The following CCBE1 variants were observed in gnomAD, a reference collection of about 807,000 sequenced individuals.
The protein encoded by CCBE1 is collagen and calcium-binding EGF domain-containing protein 1.
CCBE1 carries 37 observed loss-of-function variants against 50.0 expected under a neutral mutation model. That is an observed-to-expected ratio of 0.74 (90% confidence interval 0.57 to 0.97). The LOEUF (loss-of-function observed/expected upper bound fraction) is 0.97. Among genes scored for constraint, CCBE1 ranks in the 50% least tolerant of loss-of-function variants. CCBE1 has a pLI of 0.00. For missense variants in CCBE1, 538 were observed against 523.8 expected (o/e 1.03, Z -0.26); for synonymous variants, 234 against 203.7 (o/e 1.15, Z -1.27).
intron 2 of CCBE1, among the ~76,000 whole-genome samples, chr18:59,672,085 G>T (rs2054439985): frequency 6.6e-6 from 1 of 152,160 alleles, no homozygotes; most frequent in African/African-American, 2.4e-5. Context: ...AGAACTTGGG[G>T]CCACAGGCTC....
At chr18:59,554,119 A>G (rs1568203294) in intron 2 of CCBE1, among the ~76,000 whole-genome samples, 1 of 152,144 alleles carries the variant, frequency 6.6e-6, no homozygotes, top group Non-Finnish European at 1.5e-5. Flanking sequence ...CCTTCTGTGT[A>G]GGGAGGTCTG....
chr18:59,660,277 A>C (rs1003188784), intron 2 of CCBE1, among the ~76,000 whole-genome samples: 6 of 152,236 alleles, frequency 3.9e-5, no homozygotes, highest in African/African-American at 1.4e-4. Flanking sequence ...AAATATAAAA[A>C]TAAGTAAGCA....
intron 2 of CCBE1, among the ~76,000 whole-genome samples, chr18:59,587,462 C>T (rs1815918162): frequency 6.6e-6 from 1 of 152,078 alleles, no homozygotes; most frequent in Admixed American, 6.6e-5. Flanking sequence ...TTTTACCAAA[C>T]CAGGAATAGA....
At chr18:59,682,668 A>C (rs11152170) in intron 2 of CCBE1, among the ~76,000 whole-genome samples, 62,891 of 152,096 alleles carry the variant, frequency 0.41, 14,292 homozygotes, top group East Asian at 0.63. Flanking sequence ...TAACTGAAAA[A>C]AAGCAATTGT....
intron 2 of CCBE1, among the ~76,000 whole-genome samples, chr18:59,565,917 G>C (rs542524415): frequency 5.3e-5 from 8 of 152,144 alleles, no homozygotes; most frequent in South Asian, 2.1e-4. Context: ...AGGCTGTTAC[G>C]TCAGGGCTCC....
Position 59,675,260 on chromosome 18 carries a change from T to C in CCBE1, c.212+21369A>G, listed in dbSNP as rs1226380179. ...AGTAATGTGCATTATGCCCAGTTTGTAGCACAAAAACTGATTCGGCAGGAA... is the reference window on the plus strand; with the variant it reads ...AGTAATGTGCATTATGCCCAGTTTGCAGCACAAAAACTGATTCGGCAGGAA... On this transcript the variant is annotated intron_variant, in intron 2 of 10. Transcript: ENST00000439986. Among the ~76,000 whole-genome samples, 6 of 152,346 alleles carry C rather than the reference T, an allele frequency of 3.9e-5. No homozygotes were observed. In the East Asian group the frequency reaches 9.6e-4, roughly 24 times the overall value.
At chr18:59,566,377 A>G (rs2052827187) in intron 2 of CCBE1, among the ~76,000 whole-genome samples, 1 of 152,232 alleles carries the variant, frequency 6.6e-6, no homozygotes, top group Admixed American at 6.5e-5. Context: ...ATAGGCTCAT[A>G]TGCATAATCT....
At position 59,524,341 on chromosome 18, in the gene CCBE1, G is replaced by A. The variant is rs1014861854; in HGVS notation, c.213-44103C>T. ...TCTCAAAAACAAAACAAAACAAAAC[G>A]AAAAACCCTATTATTCAAAAGACTA... On this transcript the variant is annotated intron_variant, in intron 2 of 10. Transcript: ENST00000439986. Among the ~76,000 whole-genome samples the A allele has an allele frequency of 1.6e-4, 25 of 152,056 alleles. 1 individual carries two copies. In the South Asian group the frequency reaches 2.1e-3, roughly 13 times the overall value.
chr18:59,645,814 A>G (rs139523156), intron 2 of CCBE1, among the ~76,000 whole-genome samples: 4 of 152,106 alleles, frequency 2.6e-5, no homozygotes, highest in Admixed American at 6.5e-5. Flanking sequence ...GGCGGATCAC[A>G]AGATCAGGAG....
chr18:59,640,548 TA>T (rs2053973369), intron 2 of CCBE1, among the ~76,000 whole-genome samples: 1 of 152,016 alleles, frequency 6.6e-6, no homozygotes, highest in Non-Finnish European at 1.5e-5. Context: ...ATCTAATAAA[TA>T]CCATTCTGGA....
intron 2 of CCBE1, among the ~76,000 whole-genome samples, chr18:59,598,648 G>T (rs1306931482): frequency 6.6e-6 from 1 of 152,186 alleles, no homozygotes; most frequent in Non-Finnish European, 1.5e-5. Context: ...TATCCATGTA[G>T]CTGAGGTAGG....
chr18:59,543,846 A>AAAG (rs1555690342), intron 2 of CCBE1, among the ~76,000 whole-genome samples: 18 of 140,580 alleles, frequency 1.3e-4, no homozygotes, highest in Middle Eastern at 3.4e-3. Flanking sequence ...AAAAAAAAAA[A>AAAG]AAAAAAAAAA....
In CCBE1 at chr18:59,514,466, A is replaced by G. The variant is rs143356064; in HGVS notation, c.213-34228T>C. On this transcript the variant is annotated intron_variant, in intron 2 of 10. Coordinates refer to ENST00000439986, the MANE Select transcript of CCBE1 (RefSeq NM_133459.4). Reference sequence around the variant, plus strand: ...CCATGCAGCCAACACCAGCAATCTCACAAGCTAGTCTGACTTGGAAAGCCA... The same window carrying G: ...CCATGCAGCCAACACCAGCAATCTCGCAAGCTAGTCTGACTTGGAAAGCCA... Among the ~76,000 whole-genome samples the G allele has an allele frequency of 6.8e-4, 103 of 151,988 alleles. 1 individual carries two copies. In the East Asian group the frequency reaches 0.02, roughly 29 times the overall value.
chr18:59,563,678 T>A (rs974124941), intron 2 of CCBE1: 1 of 152,178 alleles, frequency 6.6e-6, no homozygotes, highest in Admixed American at 6.5e-5. Flanking sequence ...AACACAGAAT[T>A]CTCATGCCAC....
intron 2 of CCBE1, among the ~76,000 whole-genome samples, chr18:59,593,750 C>G (rs557551189): frequency 7.9e-5 from 12 of 152,356 alleles, no homozygotes; most frequent in African/African-American, 2.9e-4. Context: ...AAAATCAAAG[C>G]TGTTCTCATT....
At chr18:59,440,129 C>T (rs1200813270) in intron 7 of CCBE1, among the ~76,000 whole-genome samples, 5 of 152,142 alleles carry the variant, frequency 3.3e-5, no homozygotes, top group Non-Finnish European at 1.5e-5. Context: ...TGCATTTTAC[C>T]TCTTTAACAT....
intron 2 of CCBE1, among the ~76,000 whole-genome samples, chr18:59,580,277 T>C (rs2053063417): frequency 6.6e-6 from 1 of 152,228 alleles, no homozygotes; most frequent in Admixed American, 6.5e-5. Context: ...GTTGGCCTCT[T>C]ATCTACCTAA....
At chr18:59,595,516 G>A (rs997203114) in intron 2 of CCBE1, among the ~76,000 whole-genome samples, 5 of 152,090 alleles carry the variant, frequency 3.3e-5, no homozygotes, top group African/African-American at 1.2e-4. Context: ...TTCAATAAAT[G>A]TTCCCCTTTT....
intron 2 of CCBE1, among the ~76,000 whole-genome samples, chr18:59,663,297 G>A (rs139440572): frequency 1.3e-5 from 2 of 152,270 alleles, no homozygotes; most frequent in East Asian, 3.9e-4. Context: ...GGTAATATCT[G>A]AGCTTTAGTA....
Sources: allele counts gnomAD v4.1 joint callset (sites outside exome capture counted in the v4.1 genomes callset), GRCh38; gene constraint gnomAD v4.1.1; transcripts MANE v1.5; gene names NCBI Gene and HGNC (gene_info 2026-07-23, HGNC 2026-07-21).